Variants in PELI2 observed in about 807,000 individuals in gnomAD.
The protein encoded by PELI2 is pellino E3 ubiquitin protein ligase family member 2, also known as E3 ubiquitin-protein ligase pellino homolog 2.
A neutral mutation model predicts 42.3 loss-of-function variants in PELI2; 23 were observed. That is an observed-to-expected ratio of 0.54 (90% confidence interval 0.39 to 0.77). The LOEUF (loss-of-function observed/expected upper bound fraction) is 0.77, where lower values mean the gene tolerates loss of function less well. PELI2 is among the 30% of genes least tolerant of loss of function. The probability of loss-of-function intolerance (pLI) is 0.00; values close to 1 mark genes in which losing one functional copy is unlikely to be tolerated. For missense variants in PELI2, 463 were observed against 553.2 expected (o/e 0.84, Z 1.64); for synonymous variants, 245 against 212.2 (o/e 1.15, Z -1.34).
intron 1 of PELI2, among the ~76,000 whole-genome samples, chr14:56,148,047 T>C (rs1884197605): frequency 6.6e-6 from 1 of 152,216 alleles, no homozygotes; most frequent in African/African-American, 2.4e-5. Flanking sequence ...CAGATCGTTA[T>C]CTTTCCCTGG....
chr14:56,294,714 G>C (rs544024517), intron 5 of PELI2, among the ~76,000 whole-genome samples: 84 of 152,008 alleles, frequency 5.5e-4, no homozygotes, highest in Non-Finnish European at 6.0e-4. Flanking sequence ...ATGTTTCTTC[G>C]AGCCTGATCT....
chr14:56,179,607 T>G (rs1401554552), intron 2 of PELI2, among the ~76,000 whole-genome samples: 3 of 152,100 alleles, frequency 2.0e-5, no homozygotes, highest in African/African-American at 7.2e-5. Context: ...AAACTAAACA[T>G]TTTTAGGTGG....
chr14:56,148,737 C>A (rs1884225315), intron 1 of PELI2, among the ~76,000 whole-genome samples: 1 of 152,190 alleles, frequency 6.6e-6, no homozygotes. Context: ...GGGACTGTAG[C>A]AGTGTGTTTG....
At chr14:56,132,962 C>A (rs201183296) in intron 1 of PELI2, among the ~76,000 whole-genome samples, 1 of 151,536 alleles carries the variant, frequency 6.6e-6, no homozygotes. Context: ...TTAAGGCAGG[C>A]CATTTATATT....
chr14:56,166,275 C>A (rs1042757568), intron 1 of PELI2, among the ~76,000 whole-genome samples: 1 of 152,158 alleles, frequency 6.6e-6, no homozygotes, highest in Non-Finnish European at 1.5e-5. Flanking sequence ...AACTTTGCCA[C>A]CCCTCCACCT....
At chr14:56,195,418 G>T (rs894607413) in intron 2 of PELI2, among the ~76,000 whole-genome samples, 1 of 152,202 alleles carries the variant, frequency 6.6e-6, no homozygotes, top group Non-Finnish European at 1.5e-5. Flanking sequence ...GAGCAGCCCT[G>T]GGTGGTCCTA....
At chr14:56,223,128 G>A (rs142903039) in intron 2 of PELI2, among the ~76,000 whole-genome samples, 8 of 152,218 alleles carry the variant, frequency 5.3e-5, no homozygotes, top group African/African-American at 1.7e-4. Context: ...ACAGCCTGTG[G>A]CCAAAACCCA....
chr14:56,219,513 T>C lies in PELI2; in HGVS notation c.207+41049T>C, dbSNP rs12880559. On this transcript the variant is annotated intron_variant, in intron 2 of 5. Transcript: ENST00000267460. This position sits in a 1 kb window ranked among gnomAD's most constrained non-coding sequence, Gnocchi z 4.1. The stretch of plus-strand genomic sequence containing the variant: ...AGCTATCACAGTCATAGCTCTCTCA[T>C]CTGAGCAGCCTCTCCCTCAATCTTA... Among the ~76,000 whole-genome samples, 1 of 151,720 alleles carries C rather than the reference T, an allele frequency of 6.6e-6. No homozygotes were observed. Among genetic ancestry groups the C allele is most frequent in the Non-Finnish European group, 1.5e-5 (1 of 67,860 alleles).
chr14:56,202,853 TC>T (rs1446761637), intron 2 of PELI2, among the ~76,000 whole-genome samples: 3 of 152,162 alleles, frequency 2.0e-5, no homozygotes, highest in African/African-American at 7.2e-5. Flanking sequence ...CAGATACCTG[TC>T]CTGGTCTATT....
At chr14:56,208,296 T>C (rs1456604855) in intron 2 of PELI2, among the ~76,000 whole-genome samples, 1 of 152,144 alleles carries the variant, frequency 6.6e-6, no homozygotes, top group Non-Finnish European at 1.5e-5. Flanking sequence ...GAGAGGACTT[T>C]CCAGAAGAGA....
At chr14:56,224,639 T>A (rs1178302408) in intron 2 of PELI2, among the ~76,000 whole-genome samples, 1 of 152,254 alleles carries the variant, frequency 6.6e-6, no homozygotes. Context: ...CAGGATTTTT[T>A]AAATTATTAG....
rs558687503 is a variant in PELI2, at chr14:56,276,170, C to T, written c.208-3506C>T. Reference sequence around the variant, plus strand: ...TGCAGACTTTTCCGTAAGACATGACCCAAGAAGGAAAGTGAAAATTGATCT... The same window carrying T: ...TGCAGACTTTTCCGTAAGACATGACTCAAGAAGGAAAGTGAAAATTGATCT... On this transcript the variant is annotated intron_variant, in intron 2 of 5. Coordinates refer to ENST00000267460, the MANE Select transcript of PELI2 (RefSeq NM_021255.3). Among the ~76,000 whole-genome samples the T allele has an allele frequency of 1.5e-3, 226 of 152,170 alleles. 1 individual carries two copies. The highest frequency in any genetic ancestry group is 2.5e-3 in the Non-Finnish European group (169 of 68,004).
rs1190200319 is a variant in PELI2, at chr14:56,190,544, A to G, written c.207+12080A>G. ...GCTCCCAGTTACTCTCCCACCCCCA[A>G]GCAGTAACAGATAACCCCCATCCTG... On this transcript the variant is annotated intron_variant, in intron 2 of 5. Coordinates refer to ENST00000267460, the MANE Select transcript of PELI2 (RefSeq NM_021255.3). 7.2e-5 allele frequency among the ~76,000 whole-genome samples: 11 copies of G among 152,124 alleles called. No individual in the cohort carries two copies. The East Asian group carries it at 2.1e-3, about 29-fold the overall frequency.
intron 1 of PELI2, among the ~76,000 whole-genome samples, chr14:56,147,913 C>A (rs1884191390): frequency 6.6e-6 from 1 of 152,198 alleles, no homozygotes; most frequent in Non-Finnish European, 1.5e-5. Context: ...AGATTTGGTA[C>A]AAGACTGCAT....
In PELI2 at chr14:56,301,004, C is replaced by G. The variant is rs1455592231; in HGVS notation, c.*3838C>G. On this transcript the variant is annotated 3_prime_UTR_variant, in exon 6 of 6. Transcript: ENST00000267460. Reference sequence around the variant, plus strand: ...GAAGATAAGGAAAATAAGTATTTTCCAGTTTTGCTTGACAGTTTCTAAACA... The same window carrying G: ...GAAGATAAGGAAAATAAGTATTTTCGAGTTTTGCTTGACAGTTTCTAAACA... The G allele has an allele frequency of 1.3e-5, 2 of 152,090 alleles. No homozygotes were observed. Among genetic ancestry groups the G allele is most frequent in the African/African-American group, 4.8e-5 (2 of 41,410 alleles). The allele number at this position is 152,090 out of a possible 1,614,324, so 9.4% of individuals were successfully genotyped here. A position where few individuals can be genotyped will look rare whatever the true frequency, so the allele number is the denominator to read the frequency against.
chr14:56,250,951 C>G (rs962516037), intron 2 of PELI2, among the ~76,000 whole-genome samples: 1 of 152,190 alleles, frequency 6.6e-6, no homozygotes, highest in Non-Finnish European at 1.5e-5. Flanking sequence ...AGGGAAGAAG[C>G]TGGGAAAGAG....
intron 2 of PELI2, among the ~76,000 whole-genome samples, chr14:56,270,993 T>C (rs1351475024): frequency 6.6e-6 from 1 of 152,220 alleles, no homozygotes; most frequent in Non-Finnish European, 1.5e-5. Context: ...CAGTTTGATA[T>C]AAATGTTTCT....
chr14:56,236,233 G>C (rs1887789228), intron 2 of PELI2, among the ~76,000 whole-genome samples: 1 of 152,114 alleles, frequency 6.6e-6, no homozygotes. Context: ...CACGTGTCGA[G>C]AGGTGTGTAT....
chr14:56,299,935 T>G lies in PELI2; in HGVS notation c.*2769T>G, dbSNP rs939441787. 1.3e-5 allele frequency: 2 copies of G among 152,586 alleles called. No homozygotes were observed. Among genetic ancestry groups the G allele is most frequent in the African/African-American group, 4.8e-5 (2 of 41,432 alleles). The allele number at this position is 152,586 out of a possible 1,614,324, so 9.5% of individuals were successfully genotyped here. On this transcript the variant is annotated 3_prime_UTR_variant, in exon 6 of 6. Coordinates refer to ENST00000267460, the MANE Select transcript of PELI2 (RefSeq NM_021255.3). ...AGATTCAGAGTGGATGGAGTACAAC[T>G]CTGAGTATTTTTCTAGTCCGGAATT...
Sources: gnomAD v4.1 joint callset for allele counts (sites outside exome capture counted in the v4.1 genomes callset) on GRCh38, gnomAD v4.1.1 for gene constraint, Gnocchi (gnomAD v3.1) non-coding constraint, MANE v1.5 for transcripts, NCBI Gene and HGNC (gene_info 2026-07-23, HGNC 2026-07-21) for gene names.